Variants in CDH12 observed in about 807,000 individuals in gnomAD.
The protein encoded by CDH12 is cadherin-12.
A neutral mutation model predicts 74.1 loss-of-function variants in CDH12; 41 were observed. The observed-to-expected ratio is 0.55, with a 90% CI of 0.43 to 0.72. The LOEUF is 0.72. Among genes scored for constraint, CDH12 ranks in the 30% least tolerant of loss-of-function variants. The pLI, the probability that CDH12 is intolerant of heterozygous loss-of-function variation, is 0.00. For synonymous variants in CDH12, 399 were observed against 355.0 expected, an observed-to-expected ratio of 1.12 and a Z score of -1.39; for missense variants, 945 against 977.2, an observed-to-expected ratio of 0.97 and a Z score of 0.44.
chr5:22,408,199 T>C (rs1313535276), intron 2 of CDH12, among the ~76,000 whole-genome samples: 2 of 142,656 alleles, frequency 1.4e-5, no homozygotes, highest in East Asian at 3.9e-4. Flanking sequence ...TTTATCTCTG[T>C]TTATAAAAGC....
chr5:22,757,147 C>T (rs759190833), intron 1 of CDH12, among the ~76,000 whole-genome samples: 1 of 152,072 alleles, frequency 6.6e-6, no homozygotes, highest in Non-Finnish European at 1.5e-5. Context: ...GTTTAATATT[C>T]TCCATGTAAC....
At chr5:22,154,479 ATATG>A (rs1444369057) in intron 4 of CDH12, among the ~76,000 whole-genome samples, 82 of 1,842 alleles carry the variant, frequency 0.045, 6 homozygotes, top group East Asian at 0.27. Flanking sequence ...GTACACATAT[ATATG>A]TACACATATA....
intron 1 of CDH12, among the ~76,000 whole-genome samples, chr5:22,763,683 G>A (rs990068827): frequency 6.6e-6 from 1 of 151,870 alleles, no homozygotes; most frequent in African/African-American, 2.4e-5. Flanking sequence ...GGACTCATGG[G>A]CTCTTTTTCC....
chr5:21,952,273 C>T (rs1580009052), intron 6 of CDH12, among the ~76,000 whole-genome samples: 1 of 152,074 alleles, frequency 6.6e-6, no homozygotes, highest in African/African-American at 2.4e-5. Flanking sequence ...TTATCTTAAC[C>T]TTGGAGGCCT....
intron 1 of CDH12, among the ~76,000 whole-genome samples, chr5:22,838,389 T>C (rs981177224): frequency 1.1e-4 from 17 of 152,154 alleles, no homozygotes; most frequent in Admixed American, 1.1e-3. Context: ...TTATTCTCTC[T>C]GATCCTCAGC....
At chr5:21,897,138 A>C (rs1425752112) in intron 6 of CDH12, among the ~76,000 whole-genome samples, 5 of 152,180 alleles carry the variant, frequency 3.3e-5, no homozygotes, top group Non-Finnish European at 7.4e-5. Flanking sequence ...GGGGAAAAAA[A>C]GGTTATATAA....
chr5:22,771,427 A>T (rs927135921), intron 1 of CDH12, among the ~76,000 whole-genome samples: 11 of 152,150 alleles, frequency 7.2e-5, no homozygotes, highest in South Asian at 2.1e-4. Flanking sequence ...CCATTGTATC[A>T]GATCTTAAAG....
chr5:22,001,092 T>A (rs1455932588), intron 5 of CDH12, among the ~76,000 whole-genome samples: 1 of 152,138 alleles, frequency 6.6e-6, no homozygotes, highest in Admixed American at 6.6e-5. Flanking sequence ...CCCTCTAAAT[T>A]TGTCACCATT....
intron 6 of CDH12, among the ~76,000 whole-genome samples, chr5:21,901,890 C>T (rs1753404041): frequency 6.7e-6 from 1 of 148,510 alleles, no homozygotes; most frequent in African/African-American, 2.4e-5. Flanking sequence ...ATATAATTTG[C>T]TGTGTTATAA....
At position 21,751,632 on chromosome 5, in the gene CDH12, T is replaced by TTGTGTGTGTG. The variant is rs70957059; in HGVS notation, c.*95_*104dup. ...AGAGTGTGTGTGTGTGTGTGTGTGTTTGTGTGTGTGTGTGTGTGTGAGAGA... is the reference window on the plus strand; with the variant it reads ...AGAGTGTGTGTGTGTGTGTGTGTGTTTGTGTGTGTGTGTGTGTGTGTGTGTGTGTGAGAGA... On this transcript the variant is annotated 3_prime_UTR_variant, in exon 15 of 15. Coordinates refer to ENST00000382254, the MANE Select transcript of CDH12 (RefSeq NM_004061.5). 0.37 allele frequency: 200,639 copies of TTGTGTGTGTG among 535,848 alleles called. 22,449 individuals carry two copies. The highest frequency in any genetic ancestry group is 0.41 in the Non-Finnish European group (128,004 of 310,762). The allele number at this position is 535,848 out of a possible 1,614,324, so 33.2% of individuals were successfully genotyped here.
intron 1 of CDH12, among the ~76,000 whole-genome samples, chr5:22,656,491 A>C (rs949874178): frequency 6.6e-6 from 1 of 152,214 alleles, no homozygotes; most frequent in Non-Finnish European, 1.5e-5. Context: ...GCATAGACAT[A>C]GTGGAGATAC....
intron 3 of CDH12, among the ~76,000 whole-genome samples, chr5:22,290,895 G>T (rs553041242): frequency 6.6e-6 from 1 of 152,274 alleles, no homozygotes; most frequent in East Asian, 1.9e-4. Flanking sequence ...CCCAGGAGTT[G>T]ATGTCTTCAA....
chr5:22,727,257 G>A (rs996849234), intron 1 of CDH12, among the ~76,000 whole-genome samples: 1 of 151,778 alleles, frequency 6.6e-6, no homozygotes, highest in Non-Finnish European at 1.5e-5. Context: ...AAAACGTTAA[G>A]TAGGATATCA....
intron 3 of CDH12, among the ~76,000 whole-genome samples, chr5:22,318,833 T>A (rs1738739978): frequency 6.6e-6 from 1 of 152,182 alleles, no homozygotes; most frequent in Non-Finnish European, 1.5e-5. Flanking sequence ...CATATTGTGA[T>A]CATCAGGCTT....
chr5:22,091,180 A>G (rs996162185), intron 4 of CDH12, among the ~76,000 whole-genome samples: 9 of 136,430 alleles, frequency 6.6e-5, no homozygotes, highest in African/African-American at 2.7e-4. Context: ...TAAATATCCT[A>G]AAGTGTGTGT....
rs555674887 is a variant in CDH12 at position 21,894,420 on chromosome 5, T to A, written c.527-39630A>T. 3.4e-5 allele frequency among the ~76,000 whole-genome samples: 5 copies of A among 148,734 alleles called. No homozygotes were observed. The East Asian group carries it at 7.9e-4, about 24-fold the overall frequency. On this transcript the variant is annotated intron_variant, in intron 6 of 14. Transcript: ENST00000382254. ...AAAAAAAAAAGAAAGCATAAATATC[T>A]CAGGTTATGAATATTCCCAGGACAC...
intron 4 of CDH12, among the ~76,000 whole-genome samples, chr5:22,090,192 G>A (rs553587730): frequency 6.6e-6 from 1 of 151,776 alleles, no homozygotes; most frequent in Non-Finnish European, 1.5e-5. Flanking sequence ...AATCAGTAAA[G>A]AAGAAACATC....
At chr5:22,092,350 T>C (rs1045201232) in intron 4 of CDH12, among the ~76,000 whole-genome samples, 1 of 152,122 alleles carries the variant, frequency 6.6e-6, no homozygotes, top group Non-Finnish European at 1.5e-5. Context: ...TGCAAAAAAG[T>C]ATGTTCAAAT....
intron 1 of CDH12, among the ~76,000 whole-genome samples, chr5:22,651,798 C>T (rs10067369): frequency 0.16 from 24,056 of 151,296 alleles, 2,373 homozygotes; most frequent in Admixed American, 0.33. Flanking sequence ...ATGAATTGTA[C>T]GCTTTTCAAT....
Sources: allele counts gnomAD v4.1 joint callset (sites outside exome capture counted in the v4.1 genomes callset), GRCh38; gene constraint gnomAD v4.1.1; transcripts MANE v1.5; gene names NCBI Gene and HGNC (gene_info 2026-07-23, HGNC 2026-07-21).